The following CDH13 variants were observed in gnomAD, a reference collection of about 807,000 sequenced individuals.
CDH13 encodes the protein cadherin 13, also known as cadherin-13.
In CDH13, 24 loss-of-function variants were observed where a neutral mutation model predicts 63.8. The ratio of observed to expected loss-of-function variants is 0.38; its 90% CI spans 0.27 to 0.53. The LOEUF is 0.53. CDH13 is among the 20% of genes least tolerant of loss of function. The pLI is 0.85. For missense variants in CDH13, 1,049 were observed against 903.1 expected (o/e 1.16, Z -2.07); for synonymous variants, 503 against 355.3 (o/e 1.42, Z -4.67).
chr16:82,680,717 GA>G (rs1333411986), intron 1 of CDH13, among the ~76,000 whole-genome samples: 1 of 152,098 alleles, frequency 6.6e-6, no homozygotes, highest in African/African-American at 2.4e-5. Context: ...AAGATCTGGG[GA>G]AAACTAACGA....
At chr16:83,634,765 T>C (rs145984306) in intron 8 of CDH13, among the ~76,000 whole-genome samples, 10 of 152,304 alleles carry the variant, frequency 6.6e-5, no homozygotes, top group African/African-American at 1.9e-4. Flanking sequence ...CATCAGCCGA[T>C]AGCTGGTTCC....
intron 3 of CDH13, among the ~76,000 whole-genome samples, chr16:83,051,386 C>A (rs2030321947): frequency 6.6e-6 from 1 of 152,162 alleles, no homozygotes; most frequent in African/African-American, 2.4e-5. Context: ...AGAGCTGTGG[C>A]ATCAGTAAAA....
chr16:82,689,585 A>G (rs1052425029), intron 1 of CDH13, among the ~76,000 whole-genome samples: 3 of 152,092 alleles, frequency 2.0e-5, no homozygotes, highest in Admixed American at 6.5e-5. Flanking sequence ...ACACTTGAAG[A>G]TTGTTTTCTG....
At chr16:83,082,865 C>T (rs574206358) in intron 3 of CDH13, among the ~76,000 whole-genome samples, 1 of 152,332 alleles carries the variant, frequency 6.6e-6, no homozygotes, top group Admixed American at 6.5e-5. Context: ...GCTGTTTTAA[C>T]AGCAACAGTG....
chr16:83,116,514 C>G (rs376090042), intron 3 of CDH13, among the ~76,000 whole-genome samples: 1 of 152,210 alleles, frequency 6.6e-6, no homozygotes, highest in East Asian at 1.9e-4. Context: ...GTCTTCACAT[C>G]AGCAATGAAA....
intron 1 of CDH13, among the ~76,000 whole-genome samples, chr16:82,758,573 G>C (rs2034711465): frequency 6.6e-6 from 1 of 152,176 alleles, no homozygotes; most frequent in Non-Finnish European, 1.5e-5. Flanking sequence ...GGTGCTCTTA[G>C]GTCACATGTT....
intron 1 of CDH13, among the ~76,000 whole-genome samples, chr16:82,713,955 T>C (rs546197976): frequency 2.6e-5 from 4 of 152,282 alleles, no homozygotes; most frequent in Admixed American, 2.6e-4. Flanking sequence ...ATCATTATTC[T>C]TTTTTGAGAT....
At chr16:82,770,379 G>T (rs1232875180) in intron 1 of CDH13, among the ~76,000 whole-genome samples, 2 of 152,284 alleles carry the variant, frequency 1.3e-5, no homozygotes, top group Non-Finnish European at 1.5e-5. Context: ...GAAGAAAATT[G>T]CTCAAAGTTT....
chr16:83,062,094 C>G (rs2031606194), intron 3 of CDH13, among the ~76,000 whole-genome samples: 1 of 152,172 alleles, frequency 6.6e-6, no homozygotes, highest in Non-Finnish European at 1.5e-5. Context: ...TGTGGCCTCT[C>G]TTGGATGGAT....
intron 5 of CDH13, among the ~76,000 whole-genome samples, chr16:83,219,150 A>G (rs1040031986): frequency 5.3e-5 from 8 of 152,282 alleles, no homozygotes; most frequent in Middle Eastern, 3.4e-3. Context: ...GACCTTGAGC[A>G]ACACTCTTAC....
At chr16:83,676,026 G>C (rs948574879) in intron 9 of CDH13, among the ~76,000 whole-genome samples, 2 of 152,100 alleles carry the variant, frequency 1.3e-5, no homozygotes, top group Non-Finnish European at 2.9e-5. Context: ...GCAGCTTATA[G>C]TTATAAGAGC....
chr16:83,372,286 G>A (rs1377645291), intron 6 of CDH13, among the ~76,000 whole-genome samples: 1 of 152,176 alleles, frequency 6.6e-6, no homozygotes, highest in African/African-American at 2.4e-5. Flanking sequence ...TCAAATTCCA[G>A]AAGTCTGATT....
At chr16:83,132,746 T>A (rs945393509) in intron 4 of CDH13, among the ~76,000 whole-genome samples, 1 of 152,154 alleles carries the variant, frequency 6.6e-6, no homozygotes, top group African/African-American at 2.4e-5. Flanking sequence ...TTAAGGCAAC[T>A]AGCAGTTTTA....
chr16:82,633,717 C>T (rs904720750), intron 1 of CDH13, among the ~76,000 whole-genome samples: 2 of 152,170 alleles, frequency 1.3e-5, no homozygotes, highest in African/African-American at 2.4e-5. Context: ...ATCCTAGCAC[C>T]GTCCTGGAGC....
intron 5 of CDH13, among the ~76,000 whole-genome samples, chr16:83,278,917 A>G (rs1194050751): frequency 6.6e-6 from 1 of 152,212 alleles, no homozygotes; most frequent in Non-Finnish European, 1.5e-5. Context: ...TTATCAGAAT[A>G]ACAATAGCCA....
intron 10 of CDH13, among the ~76,000 whole-genome samples, chr16:83,696,415 T>C (rs1905412715): frequency 1.3e-5 from 2 of 152,010 alleles, no homozygotes; most frequent in East Asian, 1.9e-4. Context: ...TTGAAATCTG[T>C]AAAGGTGGGA....
intron 3 of CDH13, among the ~76,000 whole-genome samples, chr16:83,084,275 T>A (rs932095646): frequency 6.6e-6 from 1 of 152,172 alleles, no homozygotes; most frequent in Non-Finnish European, 1.5e-5. Flanking sequence ...TGGAGAAGGA[T>A]CTGTGACCTG....
At chr16:83,561,265 G>T (rs1008523789) in intron 7 of CDH13, among the ~76,000 whole-genome samples, 1 of 151,048 alleles carries the variant, frequency 6.6e-6, no homozygotes, top group Non-Finnish European at 1.5e-5. Context: ...TGACCAACAT[G>T]GAGAAATCCC....
intron 2 of CDH13, among the ~76,000 whole-genome samples, chr16:82,923,351 T>C (rs2042213669): frequency 6.6e-6 from 1 of 152,172 alleles, no homozygotes. Context: ...CTACATTTGG[T>C]TTATAGTAAG....
Sources: allele counts gnomAD v4.1 joint callset (sites outside exome capture counted in the v4.1 genomes callset), GRCh38; gene constraint gnomAD v4.1.1; transcripts MANE v1.5; gene names NCBI Gene and HGNC (gene_info 2026-07-23, HGNC 2026-07-21).